Variants in GALNT17 observed in about 807,000 individuals in gnomAD.
GALNT17 encodes UDP-GalNAc:polypeptide N-acetylgalactosaminyltransferase-like 3.
GALNT17 carries 29 observed loss-of-function variants against 63.7 expected under a neutral mutation model. The observed-to-expected ratio is 0.46, with a 90% CI of 0.34 to 0.62. GALNT17 has a LOEUF of 0.62. GALNT17 is among the 20% of genes least tolerant of loss of function. GALNT17 has a pLI of 0.01. For missense variants in GALNT17, 603 were observed against 799.6 expected (o/e 0.75, Z 2.97); for synonymous variants, 305 against 318.3 (o/e 0.96, Z 0.45).
chr7:71,190,019 G>T (rs1198343985), intron 1 of GALNT17, among the ~76,000 whole-genome samples: 2 of 151,976 alleles, frequency 1.3e-5, no homozygotes, highest in Non-Finnish European at 2.9e-5. Context: ...CACTGTGTTA[G>T]CCAGGATGGT....
chr7:71,485,133 T>C (rs901939524), intron 5 of GALNT17, among the ~76,000 whole-genome samples: 3 of 135,176 alleles, frequency 2.2e-5, no homozygotes, highest in African/African-American at 2.9e-5. Flanking sequence ...TAAGACAGGA[T>C]CTTGCTCTGT....
chr7:71,582,474 G>T (rs542805960), intron 6 of GALNT17, among the ~76,000 whole-genome samples: 2 of 151,632 alleles, frequency 1.3e-5, no homozygotes, highest in Non-Finnish European at 2.9e-5. Flanking sequence ...CCAGCTACTC[G>T]GGAGGCTGAG....
At chr7:71,578,052 T>TA (rs1789567680) in intron 6 of GALNT17, among the ~76,000 whole-genome samples, 2 of 147,750 alleles carry the variant, frequency 1.4e-5, no homozygotes, top group Non-Finnish European at 3.0e-5. Context: ...TTTATTTATT[T>TA]TGAGATGGAG....
intron 1 of GALNT17, among the ~76,000 whole-genome samples, chr7:71,299,397 A>G (rs558540472): frequency 6.6e-6 from 1 of 152,290 alleles, no homozygotes; most frequent in Non-Finnish European, 1.5e-5. Context: ...ATGAATTCCT[A>G]GGTAGTGGAC....
At chr7:71,395,481 C>A (rs1311767215) in intron 3 of GALNT17, among the ~76,000 whole-genome samples, 1 of 152,066 alleles carries the variant, frequency 6.6e-6, no homozygotes, top group Non-Finnish European at 1.5e-5. Flanking sequence ...ATCTGTTTAT[C>A]AGTTTAGTTG....
intron 7 of GALNT17, among the ~76,000 whole-genome samples, chr7:71,668,734 CT>C (rs1791023062): frequency 6.6e-6 from 1 of 152,072 alleles, no homozygotes; most frequent in Non-Finnish European, 1.5e-5. Context: ...CTGCTAATTC[CT>C]GGCCATCTTG....
chr7:71,335,503 T>G, intron 1 of GALNT17, 47 bp from the exon 2 acceptor site: 1 of 1,488,182 alleles, frequency 6.7e-7, no homozygotes, highest in Non-Finnish European at 9.0e-7. Context: ...TAATACATCC[T>G]GGTATGGTGG....
intron 3 of GALNT17, among the ~76,000 whole-genome samples, chr7:71,389,229 G>A (rs1297695484): frequency 2.0e-5 from 3 of 151,952 alleles, no homozygotes; most frequent in Non-Finnish European, 4.4e-5. Context: ...CACATCTCAG[G>A]TTCAAGCGAT....
chr7:71,618,586 T>G (rs1442264116), intron 6 of GALNT17, among the ~76,000 whole-genome samples: 1 of 152,196 alleles, frequency 6.6e-6, no homozygotes, highest in Non-Finnish European at 1.5e-5. Flanking sequence ...CATTTTTTCA[T>G]GTTTGTTGGC....
chr7:71,310,112 G>A (rs1791390353), intron 1 of GALNT17, among the ~76,000 whole-genome samples: 1 of 152,148 alleles, frequency 6.6e-6, no homozygotes, highest in South Asian at 2.1e-4. Flanking sequence ...TGATTGTGAG[G>A]CCTCCCTAGC....
intron 6 of GALNT17, among the ~76,000 whole-genome samples, chr7:71,627,660 C>T (rs1013932738): frequency 6.6e-6 from 1 of 152,232 alleles, no homozygotes; most frequent in Non-Finnish European, 1.5e-5. Flanking sequence ...ACTACATCCA[C>T]AGTATCCACA....
chr7:71,378,536 G>A lies in GALNT17; in HGVS notation c.423-9699G>A, dbSNP rs115792779. Reference sequence around the variant, plus strand: ...GTGTTCGGGATGGTATCTTTTAAGCGTTGAGGTGCCATCACTGATGCTTTA... The same window carrying A: ...GTGTTCGGGATGGTATCTTTTAAGCATTGAGGTGCCATCACTGATGCTTTA... On this transcript the variant is annotated intron_variant, in intron 2 of 10. Coordinates refer to ENST00000333538, the MANE Select transcript of GALNT17 (RefSeq NM_022479.3). Among the ~76,000 whole-genome samples, 660 of 152,292 alleles carry A rather than the reference G, an allele frequency of 4.3e-3. 4 individuals are homozygous for A. Among genetic ancestry groups the A allele is most frequent in the African/African-American group, 0.015 (618 of 41,550 alleles).
At position 71,214,932 on chromosome 7, in the gene GALNT17, A is replaced by G. The variant is rs903630647; in HGVS notation, c.238+81892A>G. Among the ~76,000 whole-genome samples, 3 of 152,196 alleles carry G rather than the reference A, an allele frequency of 2.0e-5. No homozygotes were observed. The East Asian group carries it at 5.8e-4, about 29-fold the overall frequency. On this transcript the variant is annotated intron_variant, in intron 1 of 10. Transcript: ENST00000333538. ...ATATGAAGATTAGGTTCCTTGTTGC[A>G]TACATCATTTGCTCCCCTGCATTCA...
intron 6 of GALNT17, among the ~76,000 whole-genome samples, chr7:71,607,974 T>C: frequency 6.6e-6 from 1 of 152,166 alleles, no homozygotes; most frequent in Non-Finnish European, 1.5e-5. Context: ...GTCTCATACC[T>C]GTAAAATCCA....
chr7:71,240,384 C>T (rs894457626), intron 1 of GALNT17, among the ~76,000 whole-genome samples: 2 of 152,184 alleles, frequency 1.3e-5, no homozygotes, highest in Non-Finnish European at 2.9e-5. Context: ...ACCTAGGTAG[C>T]ACAGTATCCA....
chr7:71,243,237 T>C (rs1210911997), intron 1 of GALNT17, among the ~76,000 whole-genome samples: 1 of 152,210 alleles, frequency 6.6e-6, no homozygotes, highest in Non-Finnish European at 1.5e-5. Context: ...CTGTCATGAT[T>C]GTAAGTTTCC....
intron 6 of GALNT17, among the ~76,000 whole-genome samples, chr7:71,598,730 C>T (rs1030053098): frequency 6.6e-6 from 1 of 152,198 alleles, no homozygotes; most frequent in Non-Finnish European, 1.5e-5. Flanking sequence ...TAGGTGCTGG[C>T]ACTCTGCCAG....
intron 6 of GALNT17, among the ~76,000 whole-genome samples, chr7:71,617,610 G>A (rs1790232217): frequency 7.7e-6 from 1 of 130,512 alleles, no homozygotes; most frequent in Non-Finnish European, 1.6e-5. Flanking sequence ...ATGAGCAACT[G>A]GCTGCTTTTG....
chr7:71,135,998 T>C (rs1160541391), intron 1 of GALNT17, among the ~76,000 whole-genome samples: 1 of 152,312 alleles, frequency 6.6e-6, no homozygotes, highest in South Asian at 2.1e-4. Context: ...CCATCCTGAC[T>C]GCCTAGTGTC....
Sources: gnomAD v4.1 joint callset for allele counts (sites outside exome capture counted in the v4.1 genomes callset) on GRCh38, gnomAD v4.1.1 for gene constraint, MANE v1.5 for transcripts, NCBI Gene and HGNC (gene_info 2026-07-23, HGNC 2026-07-21) for gene names.